Variants in PCSK5 observed in about 807,000 individuals in gnomAD.
PCSK5 encodes the protein prohormone convertase 5.
Under a neutral mutation model 233.2 loss-of-function variants are expected in PCSK5, and 129 were observed. The observed-to-expected ratio is 0.55, with a 90% CI of 0.48 to 0.64. The LOEUF is 0.64. PCSK5 is among the 30% of genes least tolerant of loss of function. The probability of loss-of-function intolerance (pLI) is 0.00; values close to 1 mark genes in which losing one functional copy is unlikely to be tolerated. For missense variants in PCSK5, 2,076 were observed against 2,430.1 expected (o/e 0.85, Z 3.06); for synonymous variants, 825 against 879.2 (o/e 0.94, Z 1.09).
chr9:76,268,188 A>G (rs1460472499), intron 24 of PCSK5, among the ~76,000 whole-genome samples: 1 of 152,174 alleles, frequency 6.6e-6, no homozygotes, highest in Admixed American at 6.6e-5. Context: ...CCTCTTGTTC[A>G]TAATTCCTAG....
chr9:76,339,823 G>A (rs1310398979), intron 35 of PCSK5, among the ~76,000 whole-genome samples: 1 of 152,114 alleles, frequency 6.6e-6, no homozygotes, highest in East Asian at 1.9e-4. Flanking sequence ...GATTACATGT[G>A]TGAGCCACCG....
chr9:76,091,795 C>T (rs1831301369), intron 7 of PCSK5, among the ~76,000 whole-genome samples: 1 of 152,232 alleles, frequency 6.6e-6, no homozygotes, highest in African/African-American at 2.4e-5. Context: ...TGACTCCCCT[C>T]TCTCTGTGCC....
At chr9:76,267,214 G>A (rs964732661) in intron 24 of PCSK5, among the ~76,000 whole-genome samples, 1 of 152,152 alleles carries the variant, frequency 6.6e-6, no homozygotes, top group Admixed American at 6.6e-5. Context: ...ACTGGTTCTG[G>A]GCTGTTCCCA....
At chr9:76,056,942 A>C (rs932622584) in intron 5 of PCSK5, among the ~76,000 whole-genome samples, 1 of 152,254 alleles carries the variant, frequency 6.6e-6, no homozygotes, top group African/African-American at 2.4e-5. Flanking sequence ...CATCTTAGTA[A>C]TATTGTGGGC....
At chr9:76,003,920 G>A (rs1209377325) in intron 3 of PCSK5, among the ~76,000 whole-genome samples, 2 of 152,004 alleles carry the variant, frequency 1.3e-5, no homozygotes, top group Non-Finnish European at 2.9e-5. Flanking sequence ...GCAGTCCTCC[G>A]GAATAGCTAG....
chr9:75,919,271 T>A (rs1273244512), intron 1 of PCSK5, among the ~76,000 whole-genome samples: 1 of 152,232 alleles, frequency 6.6e-6, no homozygotes, highest in East Asian at 1.9e-4. Context: ...CTGAGATTCA[T>A]CCTTGATTAA....
intron 24 of PCSK5, among the ~76,000 whole-genome samples, chr9:76,252,294 T>C (rs1303506367): frequency 6.6e-6 from 1 of 151,956 alleles, no homozygotes; most frequent in African/African-American, 2.4e-5. Flanking sequence ...ATAATAATAA[T>C]AAAAATAAGA....
chr9:76,107,723 C>G (rs940842719), intron 9 of PCSK5, among the ~76,000 whole-genome samples: 1 of 152,284 alleles, frequency 6.6e-6, no homozygotes, highest in East Asian at 1.9e-4. Context: ...TGAAGCATGA[C>G]TAGGCAGCTC....
intron 20 of PCSK5, chr9:76,193,390 A>AGAT (rs760997656): frequency 1.8e-5 from 25 of 1,381,258 alleles, no homozygotes; most frequent in Non-Finnish European, 2.4e-5. Context: ...GTAGACTTAT[A>AGAT]GATTATTCCA....
intron 22 of PCSK5, among the ~76,000 whole-genome samples, chr9:76,238,404 T>C (rs942437449): frequency 3.3e-5 from 5 of 152,192 alleles, no homozygotes; most frequent in Non-Finnish European, 5.9e-5. Flanking sequence ...CAAAGAAGTG[T>C]GCTTGGTCTA....
chr9:75,892,775 A>G (rs966999524), intron 1 of PCSK5, among the ~76,000 whole-genome samples: 3 of 152,172 alleles, frequency 2.0e-5, no homozygotes, highest in African/African-American at 7.2e-5. Context: ...TGTTCAGAGG[A>G]GCAAGAGCAC....
chr9:76,308,674 T>G lies in PCSK5; in HGVS notation c.3634T>G (p.Ser1212Ala). 1 of 1,609,720 alleles carries G rather than the reference T, an allele frequency of 6.2e-7. No individual in the cohort carries two copies. The highest frequency in any genetic ancestry group is 8.5e-7 in the Non-Finnish European group (1 of 1,177,072). The change falls in exon 29 of 38, where the codon TCT becomes GCT. Residue 1212 changes from serine (S) to alanine (A), a missense_variant. Physicochemically the swap from Ser to Ala is moderately conservative, Grantham distance 99. Around this residue, in one of 6 missense-constraint regions of PCSK5, gnomAD observed 1,510 missense variants for 1,538.1 expected, o/e 0.98. Coordinates refer to ENST00000674117, the MANE Select transcript of PCSK5 (RefSeq NM_001372043.1). ...TTTGAGAAAACTCCAGCCTTGTCAT[T>G]CTTCTTGTAAAACCTGCAATGGATC... is the stretch of plus-strand genomic sequence containing the variant. ...DILRKLQPCH[S>A]SCKTCNGSAT...
Position 76,238,852 on chromosome 9 carries a change from A to G in PCSK5, c.2867-107A>G, listed in dbSNP as rs187248402. The G allele has an allele frequency of 4.6e-5, 37 of 800,374 alleles. No individual in the cohort carries two copies. The East Asian group carries it at 9.7e-4, about 21-fold the overall frequency. 49.6% of individuals were successfully genotyped at this position (800,374 alleles called of 1,614,324 possible). A position where few individuals can be genotyped will look rare whatever the true frequency, so the allele number is the denominator to read the frequency against. On this transcript the variant is annotated intron_variant, in intron 22 of 37. Transcript: ENST00000674117. The stretch of plus-strand genomic sequence containing the variant: ...TTACACCCCTCATCCACTAGGAAAA[A>G]AAAGCACTCAGTCGCATCTTTTTAA...
intron 20 of PCSK5, among the ~76,000 whole-genome samples, chr9:76,217,618 C>T (rs1040305634): frequency 4.7e-4 from 71 of 152,290 alleles, no homozygotes; most frequent in African/African-American, 1.6e-3. Flanking sequence ...GATATAGGCA[C>T]TTCAGTTCCC....
chr9:76,112,171 T>C (rs1297917734), intron 9 of PCSK5, among the ~76,000 whole-genome samples: 1 of 152,320 alleles, frequency 6.6e-6, no homozygotes, highest in African/African-American at 2.4e-5. Flanking sequence ...TTGAAGAATA[T>C]ATGTTCAGTA....
chr9:76,128,229 C>T (rs1228920791), intron 9 of PCSK5, among the ~76,000 whole-genome samples: 1 of 152,110 alleles, frequency 6.6e-6, no homozygotes, highest in Non-Finnish European at 1.5e-5. Context: ...TTTGCCTACT[C>T]TGAACAGTTT....
intron 2 of PCSK5, among the ~76,000 whole-genome samples, chr9:75,940,734 A>G (rs1346437753): frequency 6.6e-6 from 1 of 152,204 alleles, no homozygotes; most frequent in African/African-American, 2.4e-5. Flanking sequence ...TATCAGTCAA[A>G]TTCCATTTCC....
chr9:76,098,986 G>A (rs1465879410), intron 8 of PCSK5, among the ~76,000 whole-genome samples: 1 of 152,126 alleles, frequency 6.6e-6, no homozygotes, highest in African/African-American at 2.4e-5. Context: ...AGGGAAAGTG[G>A]ACACCATGAC....
chr9:76,354,100 A>G lies in PCSK5; in HGVS notation c.5135A>G (p.Asn1712Ser), dbSNP rs759889871. The G allele has an allele frequency of 6.2e-7, 1 of 1,607,864 alleles. No homozygotes were observed. Among genetic ancestry groups the G allele is most frequent in the African/African-American group, 1.3e-5 (1 of 74,884 alleles). Reference protein sequence around the residue: ...CMECKGPGAKNCTLCPANLVL... With the variant: ...CMECKGPGAKSCTLCPANLVL... ...GAATGCAAGGGACCAGGGGCCAAGA[A>G]CTGCACCTTGTGCCCTGCCAACCTG... Residue 1712 changes from asparagine to serine, a missense_variant, in exon 37 of 38, where the codon AAC becomes AGC. Asn to Ser is a conservative substitution (Grantham distance 46). Coordinates refer to ENST00000674117, the MANE Select transcript of PCSK5 (RefSeq NM_001372043.1).
Sources: gnomAD v4.1 joint callset for allele counts (sites outside exome capture counted in the v4.1 genomes callset) on GRCh38, gnomAD v4.1.1 for gene constraint, gnomAD v4.1.1 regional missense constraint, MANE v1.5 for transcripts, NCBI Gene and HGNC (gene_info 2026-07-23, HGNC 2026-07-21) for gene names.